The following ZC3H3 variants were observed in gnomAD, a reference collection of about 807,000 sequenced individuals.
The protein encoded by ZC3H3 is zinc finger CCCH domain-containing protein 3.
A neutral mutation model predicts 77.3 loss-of-function variants in ZC3H3; 36 were observed. The ratio of observed to expected loss-of-function variants is 0.47; its 90% CI spans 0.36 to 0.61. The LOEUF (loss-of-function observed/expected upper bound fraction) is 0.61. ZC3H3 is among the 20% of genes least tolerant of loss of function. The probability of loss-of-function intolerance (pLI) is 0.00; values close to 1 mark genes in which losing one functional copy is unlikely to be tolerated. For synonymous variants in ZC3H3, 626 were observed against 555.2 expected (o/e 1.13, Z -1.79); for missense variants, 1,331 against 1,312.2 (o/e 1.01, Z -0.22).
At chr8:143,535,792 C>A (rs1332485828) in intron 3 of ZC3H3, among the ~76,000 whole-genome samples, 1 of 152,248 alleles carries the variant, frequency 6.6e-6, no homozygotes, top group African/African-American at 2.4e-5. Context: ...CAGACCAATT[C>A]TTTCAGGCCA....
At chr8:143,450,274 A>G (rs1327354270) in intron 9 of ZC3H3, among the ~76,000 whole-genome samples, 2 of 152,158 alleles carry the variant, frequency 1.3e-5, no homozygotes, top group African/African-American at 4.8e-5. Context: ...CTCCACCTCC[A>G]GGTTCGACCG....
chr8:143,455,038 G>T (rs547788542), intron 9 of ZC3H3, among the ~76,000 whole-genome samples: 4 of 152,208 alleles, frequency 2.6e-5, no homozygotes, highest in African/African-American at 9.6e-5. Context: ...AAAATAGGCT[G>T]GGCGTGGTGG....
chr8:143,532,396 T>C (rs906327772), intron 3 of ZC3H3, among the ~76,000 whole-genome samples: 4 of 152,240 alleles, frequency 2.6e-5, no homozygotes, highest in Admixed American at 1.3e-4. Context: ...CACAGGGCAG[T>C]CGTCCCCAGC....
Position 143,440,951 on chromosome 8 carries a change from G to A in ZC3H3, c.2477C>T (p.Ala826Val). 7.0e-7 allele frequency: 1 copy of A among 1,434,720 alleles called. No homozygotes were observed. 88.9% of individuals were successfully genotyped at this position (1,434,720 alleles called of 1,614,324 possible). The change falls in exon 10 of 12, where the codon GCC becomes GTC. Residue 826 changes from alanine to valine, a missense_variant. Physicochemically the swap from Ala to Val is moderately conservative, Grantham distance 64. This residue lies in a region of ZC3H3 where 249 missense variants were observed against 236.9 expected (regional missense o/e 1.05). Coordinates refer to ENST00000262577, the MANE Select transcript of ZC3H3 (RefSeq NM_015117.3). ...GCCCCATCACCTGGGCCCGTGGCTG[G>A]CCGAGACCCTGCTCCTGGCGGTTGC... ...SDATARSRVSASHGPRKPSAS... is the reference protein window; with the variant it reads ...SDATARSRVSVSHGPRKPSAS...
chr8:143,469,046 G>A (rs1027079681), intron 5 of ZC3H3, among the ~76,000 whole-genome samples: 4 of 152,236 alleles, frequency 2.6e-5, no homozygotes, highest in Non-Finnish European at 5.9e-5. Context: ...CCAGGGCCAC[G>A]CTTTGCTGGC....
At chr8:143,514,799 G>A (rs2130443535) in intron 3 of ZC3H3, among the ~76,000 whole-genome samples, 1 of 152,358 alleles carries the variant, frequency 6.6e-6, no homozygotes, top group East Asian at 1.9e-4. Context: ...GCAGTGAGGG[G>A]CTGCATGGCC....
intron 9 of ZC3H3, among the ~76,000 whole-genome samples, chr8:143,442,179 C>G (rs1047279152): frequency 2.0e-5 from 3 of 152,044 alleles, no homozygotes; most frequent in African/African-American, 4.8e-5. Flanking sequence ...GTACCCCATA[C>G]CTTCCCTGGA....
intron 4 of ZC3H3, among the ~76,000 whole-genome samples, chr8:143,478,475 C>T (rs1328663884): frequency 1.3e-5 from 2 of 152,220 alleles, no homozygotes; most frequent in Non-Finnish European, 2.9e-5. Flanking sequence ...CTCGGCCTGG[C>T]TGGGCACTAC....
chr8:143,485,166 A>AT (rs1208130730), intron 4 of ZC3H3, among the ~76,000 whole-genome samples: 1 of 152,244 alleles, frequency 6.6e-6, no homozygotes, highest in African/African-American at 2.4e-5. Flanking sequence ...GTTATGGAGC[A>AT]TGAGTCCCCC....
rs534182656 is a variant in ZC3H3 at position 143,476,958 on chromosome 8, T to C, written c.1716-1373A>G. Among the ~76,000 whole-genome samples the C allele has an allele frequency of 4.5e-4, 69 of 152,290 alleles. 1 individual carries two copies. In the South Asian group the frequency reaches 0.014, roughly 30 times the overall value. ...CCCGCAGCATGCATGAAGGTGGGGCTCGCTTGTCTGGCTGGATGGGGCAGG... is the reference window on the plus strand; with the variant it reads ...CCCGCAGCATGCATGAAGGTGGGGCCCGCTTGTCTGGCTGGATGGGGCAGG... On this transcript the variant is annotated intron_variant, in intron 4 of 11. Transcript: ENST00000262577.
intron 9 of ZC3H3, among the ~76,000 whole-genome samples, chr8:143,456,786 G>A (rs1185105730): frequency 6.6e-6 from 1 of 152,128 alleles, no homozygotes; most frequent in Non-Finnish European, 1.5e-5. Context: ...GAGGATCGCT[G>A]GAGCTCAGGA....
In ZC3H3 at chr8:143,507,731, A is replaced by G; in HGVS notation, c.1715+15T>C. The G allele has an allele frequency of 6.5e-7, 1 of 1,547,788 alleles. No homozygotes were observed. The highest frequency in any genetic ancestry group is 8.7e-7 in the Non-Finnish European group (1 of 1,147,454). The stretch of plus-strand genomic sequence containing the variant: ...AGTTCCCAGGCCTGCAGGAGCCTGC[A>G]GGAAGCCTTCCTACCTGGATAGTGA... On this transcript the variant is annotated intron_variant, in intron 4 of 11. Transcript: ENST00000262577.
At chr8:143,524,393 A>T (rs540724619) in intron 3 of ZC3H3, among the ~76,000 whole-genome samples, 1 of 152,306 alleles carries the variant, frequency 6.6e-6, no homozygotes, top group East Asian at 1.9e-4. Context: ...GAGCCAAGCC[A>T]CTGGAAGCGC....
chr8:143,538,051 T>C lies in ZC3H3; in HGVS notation c.1316A>G (p.Tyr439Cys). The C allele has an allele frequency of 6.2e-7, 1 of 1,612,290 alleles. No homozygotes were observed. Among genetic ancestry groups the C allele is most frequent in the Non-Finnish European group, 8.5e-7 (1 of 1,179,658 alleles). The change falls in exon 2 of 12, where the codon TAC (tyrosine) becomes TGC (cysteine). Residue 439 changes from tyrosine (Y) to cysteine (C), a missense_variant. Physicochemically the swap from Tyr to Cys is radical, Grantham distance 194. Around this residue, in one of 3 missense-constraint regions of ZC3H3, gnomAD observed 978 missense variants for 915.5 expected, o/e 1.07. Coordinates refer to ENST00000262577, the MANE Select transcript of ZC3H3 (RefSeq NM_015117.3). ...PLSGETPLSA[Y>C]KVKSRTKIIR... ...GATCTTGGTGCGGCTCTTCACTTTG[T>C]AAGCCGAGAGCGGGGTCTCCCCAGA... is the stretch of plus-strand genomic sequence containing the variant.
chr8:143,474,408 CCA>C (rs1820667235), intron 5 of ZC3H3, among the ~76,000 whole-genome samples: 1 of 152,260 alleles, frequency 6.6e-6, no homozygotes, highest in East Asian at 1.9e-4. Context: ...CACTGACCAG[CCA>C]CAGTGTGGCT....
chr8:143,478,946 C>A lies in ZC3H3; in HGVS notation c.1716-3361G>T, dbSNP rs553415385. Reference sequence around the variant, plus strand: ...TCTGGGCGGAATGGAGATGTGGCAGCCCCTGCTGAGCCGTCCCGGGATCTG... The same window carrying A: ...TCTGGGCGGAATGGAGATGTGGCAGACCCTGCTGAGCCGTCCCGGGATCTG... On this transcript the variant is annotated intron_variant, in intron 4 of 11. Coordinates refer to ENST00000262577, the MANE Select transcript of ZC3H3 (RefSeq NM_015117.3). Among the ~76,000 whole-genome samples, 3 of 152,250 alleles carry A rather than the reference C, an allele frequency of 2.0e-5. No homozygotes were observed. In the South Asian group the frequency reaches 6.2e-4, roughly 31 times the overall value.
In ZC3H3 at chr8:143,538,682, T is replaced by G. The variant is rs1227843390; in HGVS notation, c.685A>C (p.Ser229Arg). 1 of 1,608,274 alleles carries G rather than the reference T, an allele frequency of 6.2e-7. No homozygotes were observed. The highest frequency in any genetic ancestry group is 1.7e-5 in the Admixed American group (1 of 60,000). Residue 229 changes from serine to arginine, a missense_variant, in exon 2 of 12, where the codon AGC (serine) becomes CGC (arginine). Ser to Arg is a moderately radical substitution (Grantham distance 110, BLOSUM62 -1). This residue lies in a region of ZC3H3 where 978 missense variants were observed against 915.5 expected (regional missense o/e 1.07). Transcript: ENST00000262577. ...VSESVIAVKASFPSSALPPRT... is the reference protein window; with the variant it reads ...VSESVIAVKARFPSSALPPRT... ...GGGGGCAGAGCGGAGGATGGGAAGC[T>G]CGCCTTGACGGCAATCACACTCTCA...
chr8:143,539,955 T>C (rs1822955103), intron 1 of ZC3H3, among the ~76,000 whole-genome samples: 1 of 152,182 alleles, frequency 6.6e-6, no homozygotes, highest in Non-Finnish European at 1.5e-5. Context: ...GCTACCCCGG[T>C]GCAGGAGGGC....
At chr8:143,476,394 A>C (rs541015837) in intron 4 of ZC3H3, among the ~76,000 whole-genome samples, 1 of 152,280 alleles carries the variant, frequency 6.6e-6, no homozygotes, top group Admixed American at 6.5e-5. Flanking sequence ...GAAGAGACCT[A>C]GGCCGACAGA....
Sources: gnomAD v4.1 joint callset for allele counts (sites outside exome capture counted in the v4.1 genomes callset) on GRCh38, gnomAD v4.1.1 for gene constraint, gnomAD v4.1.1 regional missense constraint, MANE v1.5 for transcripts, NCBI Gene and HGNC (gene_info 2026-07-23, HGNC 2026-07-21) for gene names.